Variants in PER3 observed in about 807,000 individuals in gnomAD.
The protein encoded by PER3 is period circadian protein homolog 3.
Under a neutral mutation model 127.2 loss-of-function variants are expected in PER3, and 107 were observed. The observed-to-expected ratio is 0.84, with a 90% CI of 0.72 to 0.99. The LOEUF is 0.99. PER3 is among the 50% of genes least tolerant of loss of function. PER3 has a pLI of 0.00. For synonymous variants in PER3, 618 were observed against 585.8 expected, an observed-to-expected ratio of 1.05 and a Z score of -0.79; for missense variants, 1,560 against 1,525.8, an observed-to-expected ratio of 1.02 and a Z score of -0.37.
intron 10 of PER3, among the ~76,000 whole-genome samples, chr1:7,805,496 T>A (rs946165638): frequency 2.0e-5 from 3 of 152,172 alleles, no homozygotes; most frequent in Non-Finnish European, 4.4e-5. Flanking sequence ...TAGAACTTAA[T>A]GGAAGAAATG....
chr1:7,820,705 A>G, intron 16 of PER3, 65 bp downstream of exon 16: 1 of 1,341,690 alleles, frequency 7.5e-7, no homozygotes, highest in Non-Finnish European at 1.0e-6. Context: ...TGAGAAAACA[A>G]AAGTCATGAA....
intron 21 of PER3, among the ~76,000 whole-genome samples, chr1:7,837,452 A>C (rs2097363789): frequency 6.6e-6 from 1 of 152,154 alleles, no homozygotes; most frequent in Non-Finnish European, 1.5e-5. Flanking sequence ...ACCTGCTTTG[A>C]TGTGTGATTG....
At chr1:7,827,006 T>A (rs867975448) in intron 17 of PER3, 112 bp from the exon 18 acceptor site, 10 of 789,668 alleles carry the variant, frequency 1.3e-5, no homozygotes, top group African/African-American at 8.7e-5. Context: ...GTCATTCTGG[T>A]AGTATTGGCA....
At chr1:7,809,464 T>G (rs1447880553) in intron 11 of PER3, among the ~76,000 whole-genome samples, 2 of 152,192 alleles carry the variant, frequency 1.3e-5, no homozygotes, top group Non-Finnish European at 2.9e-5. Context: ...TGGTGTCGTG[T>G]AGAGTAACTG....
Position 7,810,441 on chromosome 1 carries a change from A to T in PER3, c.1375A>T (p.Thr459Ser). 2 of 1,590,898 alleles carry T rather than the reference A, an allele frequency of 1.3e-6. No individual in the cohort carries two copies. The highest frequency in any genetic ancestry group is 1.7e-6 in the Non-Finnish European group (2 of 1,169,480). ...TTTTATCATTCCTTTCCCTAAGATG[A>T]CCTTGCAGCAGGTCTATGCCAGTGT... Reference protein sequence around the residue: ...RVEETKAEQMTLQQVYASVNK... With the variant: ...RVEETKAEQMSLQQVYASVNK... Residue 459 changes from threonine to serine, a missense_variant, in exon 13 of 22, where the codon ACC becomes TCC. Coordinates refer to ENST00000377532, the MANE Select transcript of PER3 (RefSeq NM_001377275.1).
chr1:7,792,634 C>T (rs1409602576), intron 5 of PER3, among the ~76,000 whole-genome samples: 4 of 152,178 alleles, frequency 2.6e-5, no homozygotes, highest in Non-Finnish European at 4.4e-5. Flanking sequence ...TTACCCCCTT[C>T]GATTCCTTAC....
At chr1:7,789,774 T>C (rs2097110260) in intron 5 of PER3, among the ~76,000 whole-genome samples, 1 of 152,242 alleles carries the variant, frequency 6.6e-6, no homozygotes, top group Non-Finnish European at 1.5e-5. Flanking sequence ...TTTGCGTGTT[T>C]CTTCTTCCAA....
intron 5 of PER3, 125 bp downstream of exon 5, chr1:7,788,371 T>TTA (rs2097102087): frequency 2.9e-6 from 2 of 679,382 alleles, no homozygotes; most frequent in Non-Finnish European, 5.0e-6. Context: ...CTTATTCCTG[T>TTA]TATAGAAAGT....
chr1:7,821,331 G>T (rs538888828), intron 16 of PER3, among the ~76,000 whole-genome samples: 1 of 152,320 alleles, frequency 6.6e-6, no homozygotes, highest in Admixed American at 6.5e-5. Context: ...GCCACTGTCT[G>T]CTCTTAGTTC....
At chr1:7,812,365 G>A (rs1311534976) in intron 13 of PER3, among the ~76,000 whole-genome samples, 1 of 151,496 alleles carries the variant, frequency 6.6e-6, no homozygotes, top group Non-Finnish European at 1.5e-5. Context: ...AGTGGCTCAT[G>A]CCTGTAATCC....
chr1:7,819,403 T>C lies in PER3; in HGVS notation c.1641T>C (p.Cys547=). ...GCCCATCCTATCAACAGATCAACTG[T>C]ATCGACAGTGTCATCAGGTATGAGA... ...EHSPSYQQIN[C]IDSVIRYLKS... is the part of the protein sequence containing the mutation. The change falls in exon 14 of 22, where the codon TGT becomes TGC. Residue 547 remains cysteine (C), a synonymous_variant. Transcript: ENST00000377532. The C allele has an allele frequency of 6.2e-7, 1 of 1,614,080 alleles. No homozygotes were observed. The highest frequency in any genetic ancestry group is 8.5e-7 in the Non-Finnish European group (1 of 1,179,926).
At chr1:7,791,031 C>T (rs183652505) in intron 5 of PER3, among the ~76,000 whole-genome samples, 9 of 152,276 alleles carry the variant, frequency 5.9e-5, no homozygotes, top group African/African-American at 1.9e-4. Flanking sequence ...CTTTTCTGGG[C>T]TCACAGTGCA....
In PER3 at chr1:7,827,579, T is replaced by A; in HGVS notation, c.2650T>A (p.Ser884Thr). ...ATGTCCATTCCTGGGGGCGACAGCC[T>A]CTTCTGCGATATCACCCTCAATGTC... ...LPCPFLGATASSAISPSMSSA... is the reference protein window; with the variant it reads ...LPCPFLGATATSAISPSMSSA... The change falls in exon 18 of 22, where the codon TCT (serine) becomes ACT (threonine). Residue 884 changes from serine to threonine, a missense_variant. By Grantham distance (58) the Ser-to-Thr change is moderately conservative. Coordinates refer to ENST00000377532, the MANE Select transcript of PER3 (RefSeq NM_001377275.1). The A allele has an allele frequency of 1.2e-6, 2 of 1,614,208 alleles. No individual in the cohort carries two copies. The highest frequency in any genetic ancestry group is 4.5e-5 in the East Asian group (2 of 44,882).
intron 4 of PER3, chr1:7,787,394 T>A: frequency 3.0e-6 from 1 of 334,838 alleles, no homozygotes; most frequent in Non-Finnish European, 5.8e-6. Context: ...AATTGTTACT[T>A]AAAGATTTTG....
In PER3 at chr1:7,788,188, A is replaced by T; in HGVS notation, c.534A>T (p.Val178=). The T allele has an allele frequency of 6.2e-7, 1 of 1,614,058 alleles. No homozygotes were observed. Among genetic ancestry groups the T allele is most frequent in the Non-Finnish European group, 8.5e-7 (1 of 1,179,924 alleles). Residue 178 remains valine, a synonymous_variant, in exon 5 of 22, where the codon GTA becomes GTT. Coordinates refer to ENST00000377532, the MANE Select transcript of PER3 (RefSeq NM_001377275.1). ...TGCTTGCACCTCAAGACATGAGGGT[A>T]TTCTACGCGCACACTGCCAGAGCTC... ...VDLLAPQDMR[V]FYAHTARAQL...
rs765816057 is a variant in PER3 at position 7,788,050 on chromosome 1, C to T, written c.396C>T (p.Thr132=). ...ASEHTSKNTD[T]FVAVFSFLSG... is the part of the protein sequence containing the mutation. ...ATTTTAAATGTTTTTCATAGGATAC[C>T]TTTGTGGCAGTATTTTCATTTCTGT... Residue 132 remains threonine, a synonymous_variant, in exon 5 of 22, where the codon ACC becomes ACT. Transcript: ENST00000377532. The T allele has an allele frequency of 6.2e-6, 10 of 1,606,786 alleles. No individual in the cohort carries two copies. Among genetic ancestry groups the T allele is most frequent in the South Asian group, 1.1e-5 (1 of 90,960 alleles).
At chr1:7,825,697 G>C (rs2097298260) in intron 16 of PER3, among the ~76,000 whole-genome samples, 1 of 152,274 alleles carries the variant, frequency 6.6e-6, no homozygotes, top group East Asian at 1.9e-4. Flanking sequence ...TTTGAGACCA[G>C]CCTGGCCAAC....
intron 13 of PER3, among the ~76,000 whole-genome samples, chr1:7,814,083 G>A (rs1380833693): frequency 6.6e-6 from 1 of 152,126 alleles, no homozygotes; most frequent in African/African-American, 2.4e-5. Flanking sequence ...ACACAGCCTG[G>A]AAAAGAATCA....
intron 9 of PER3, among the ~76,000 whole-genome samples, 196 bp from the exon 10 acceptor site, chr1:7,803,496 A>G (rs774311750): frequency 5.3e-5 from 8 of 151,804 alleles, no homozygotes; most frequent in Non-Finnish European, 8.8e-5. Context: ...GCTGAGGCAC[A>G]AGAACTGCTT....
Sources: gnomAD v4.1 joint callset for allele counts (sites outside exome capture counted in the v4.1 genomes callset) on GRCh38, gnomAD v4.1.1 for gene constraint, MANE v1.5 for transcripts, NCBI Gene and HGNC (gene_info 2026-07-23, HGNC 2026-07-21) for gene names.